The following NRXN3 variants were observed in gnomAD, a reference collection of about 807,000 sequenced individuals.
The protein encoded by NRXN3 is neurexin III.
In NRXN3, 32 loss-of-function variants were observed where a neutral mutation model predicts 137.6. The ratio of observed to expected loss-of-function variants is 0.23; its 90% CI spans 0.18 to 0.31. The LOEUF (loss-of-function observed/expected upper bound fraction) is 0.31. Among genes scored for constraint, NRXN3 ranks in the 10% least tolerant of loss-of-function variants. The probability of loss-of-function intolerance (pLI) is 1.00; values close to 1 mark genes in which losing one functional copy is unlikely to be tolerated. For synonymous variants in NRXN3, 798 were observed against 784.5 expected, an observed-to-expected ratio of 1.02 and a Z score of -0.29; for missense variants, 1,574 against 2,062.5, an observed-to-expected ratio of 0.76 and a Z score of 4.59.
intron 4 of NRXN3, among the ~76,000 whole-genome samples, chr14:78,565,271 CTTTCAA>C (rs2096826583): frequency 6.6e-6 from 1 of 152,154 alleles, no homozygotes; most frequent in African/African-American, 2.4e-5. Context: ...AAAACAAGGC[CTTTCAA>C]TTTCCTGTTT....
chr14:78,540,754 A>T (rs567765698), intron 4 of NRXN3, among the ~76,000 whole-genome samples: 307 of 152,298 alleles, frequency 2.0e-3, no homozygotes, highest in South Asian at 0.011. Flanking sequence ...AGTGGCTGGT[A>T]CCAGTTGTCT....
intron 19 of NRXN3, among the ~76,000 whole-genome samples, chr14:79,699,439 A>C (rs1169934435): frequency 6.6e-6 from 1 of 151,976 alleles, no homozygotes; most frequent in Admixed American, 6.6e-5. Context: ...CTTTTTCTTC[A>C]TAGGAATGGC....
chr14:79,371,681 A>C (rs759270980), intron 15 of NRXN3, among the ~76,000 whole-genome samples: 11 of 152,130 alleles, frequency 7.2e-5, no homozygotes, highest in Admixed American at 3.3e-4. Context: ...TTCTTTGTTG[A>C]TAAGATCTAT....
chr14:78,794,939 A>AC (rs200677435), intron 8 of NRXN3, among the ~76,000 whole-genome samples: 11 of 144,620 alleles, frequency 7.6e-5, no homozygotes, highest in African/African-American at 1.6e-4. Context: ...CAAACAAACA[A>AC]AAAAAAAAGT....
intron 15 of NRXN3, among the ~76,000 whole-genome samples, chr14:79,061,285 G>A (rs1310407633): frequency 6.6e-6 from 1 of 152,184 alleles, no homozygotes; most frequent in East Asian, 1.9e-4. Flanking sequence ...AAGTACTTTT[G>A]TAATGGTAAT....
chr14:78,545,924 T>C (rs12891607), intron 4 of NRXN3, among the ~76,000 whole-genome samples: 34,116 of 152,230 alleles, frequency 0.22, 4,220 homozygotes, highest in Middle Eastern at 0.32. Context: ...CTCTTTTTAA[T>C]GGGTGCATAA....
In NRXN3 at chr14:78,365,811, G is replaced by A. The variant is rs187261781; in HGVS notation, c.757+67951G>A. Among the ~76,000 whole-genome samples the A allele has an allele frequency of 3.9e-5, 6 of 152,302 alleles. No homozygotes were observed. In the East Asian group the frequency reaches 1.2e-3, roughly 29 times the overall value. On this transcript the variant is annotated intron_variant, in intron 4 of 20. Transcript: ENST00000335750. ...TATTATATGCCAGGCACTCTTCTTG[G>A]CTCTGGAGATGTAGCAGTGAACAAA...
rs542696427 is a variant in NRXN3, at chr14:78,343,920, A to G, written c.757+46060A>G. 2.6e-5 allele frequency among the ~76,000 whole-genome samples: 4 copies of G among 152,328 alleles called. No homozygotes were observed. In the East Asian group the frequency reaches 7.7e-4, roughly 29 times the overall value. ...AACACATGGCTTTAAGCTCCCTGGC[A>G]GTTCTATTAGGCAGTGATGCTTGAT... On this transcript the variant is annotated intron_variant, in intron 4 of 20. Coordinates refer to ENST00000335750, the MANE Select transcript of NRXN3 (RefSeq NM_001330195.2).
At chr14:79,231,799 A>T (rs548859276) in intron 15 of NRXN3, among the ~76,000 whole-genome samples, 2 of 152,312 alleles carry the variant, frequency 1.3e-5, no homozygotes, top group East Asian at 3.9e-4. Context: ...ATAAGTCAGC[A>T]GCCTTTTGTT....
At chr14:79,099,726 C>G (rs1028502827) in intron 15 of NRXN3, among the ~76,000 whole-genome samples, 1 of 152,072 alleles carries the variant, frequency 6.6e-6, no homozygotes, top group Non-Finnish European at 1.5e-5. Flanking sequence ...TATAGGTATT[C>G]TATGATAAAT....
intron 10 of NRXN3, among the ~76,000 whole-genome samples, chr14:78,922,571 T>C (rs2099273812): frequency 6.6e-6 from 1 of 152,148 alleles, no homozygotes; most frequent in Non-Finnish European, 1.5e-5. Context: ...AGCTGACTTC[T>C]CCAGTAAATA....
intron 4 of NRXN3, among the ~76,000 whole-genome samples, chr14:78,639,943 G>A (rs2097604960): frequency 1.3e-5 from 2 of 152,070 alleles, no homozygotes; most frequent in South Asian, 2.1e-4. Context: ...CCAGATGCAT[G>A]TAAATACCTG....
intron 4 of NRXN3, among the ~76,000 whole-genome samples, chr14:78,456,779 C>A (rs55671447): frequency 6.7e-6 from 1 of 149,798 alleles, no homozygotes; most frequent in Non-Finnish European, 1.5e-5. Flanking sequence ...GGATTTCTTT[C>A]CCTTTCTCTC....
At chr14:78,952,614 A>G (rs775359641) in intron 10 of NRXN3, among the ~76,000 whole-genome samples, 2 of 152,152 alleles carry the variant, frequency 1.3e-5, no homozygotes, top group Non-Finnish European at 2.9e-5. Context: ...TTCAAATCTA[A>G]CACAGTCCAT....
chr14:78,947,985 C>T (rs966931407), intron 10 of NRXN3, among the ~76,000 whole-genome samples: 1 of 152,172 alleles, frequency 6.6e-6, no homozygotes. Context: ...AGGTAATTGA[C>T]GTTACCTACC....
chr14:79,348,146 T>C (rs1447146673), intron 15 of NRXN3, among the ~76,000 whole-genome samples: 1 of 152,144 alleles, frequency 6.6e-6, no homozygotes, highest in Admixed American at 6.5e-5. Context: ...TTTTTTCCAG[T>C]ATATTGAAAT....
chr14:79,071,384 G>GC (rs1388887766), intron 15 of NRXN3, among the ~76,000 whole-genome samples: 2 of 152,050 alleles, frequency 1.3e-5, no homozygotes, highest in Non-Finnish European at 2.9e-5. Context: ...CCCTCTGCTA[G>GC]CCCCCCACTA....
intron 8 of NRXN3, among the ~76,000 whole-genome samples, chr14:78,783,371 A>G (rs1037044886): frequency 2.0e-5 from 3 of 152,230 alleles, no homozygotes; most frequent in African/African-American, 7.2e-5. Flanking sequence ...CTTTAAAAAG[A>G]CATGAAAGAC....
At chr14:78,561,639 A>G (rs1159132752) in intron 4 of NRXN3, among the ~76,000 whole-genome samples, 1 of 152,196 alleles carries the variant, frequency 6.6e-6, no homozygotes, top group Non-Finnish European at 1.5e-5. Context: ...ATATACTTCC[A>G]AAATGATATG....
Sources: allele counts gnomAD v4.1 joint callset (sites outside exome capture counted in the v4.1 genomes callset), GRCh38; gene constraint gnomAD v4.1.1; transcripts MANE v1.5; gene names NCBI Gene and HGNC (gene_info 2026-07-23, HGNC 2026-07-21).